The following OR51B5 variants were observed in gnomAD, a reference collection of about 807,000 sequenced individuals.
OR51B5 encodes olfactory receptor 51B5.
For missense variants in OR51B5, 456 were observed against 374.6 expected (o/e 1.22, Z -1.79); for synonymous variants, 186 against 144.8 (o/e 1.28, Z -2.04).
At chr11:5,483,571 G>C (rs1455053796) in intron 1 of OR51B5, among the ~76,000 whole-genome samples, 1 of 147,574 alleles carries the variant, frequency 6.8e-6, no homozygotes, top group Non-Finnish European at 1.5e-5. Context: ...AAAAAGAAGA[G>C]AAAAGGAAGA....
chr11:5,460,397 T>G, intron 1 of OR51B5, among the ~76,000 whole-genome samples: 1 of 152,214 alleles, frequency 6.6e-6, no homozygotes, highest in East Asian at 1.9e-4. Context: ...GTAAAAGTTT[T>G]GAAAAAAGAA....
intron 1 of OR51B5, among the ~76,000 whole-genome samples, chr11:5,434,826 G>A (rs1471940146): frequency 6.6e-6 from 1 of 152,242 alleles, no homozygotes; most frequent in Non-Finnish European, 1.5e-5. Context: ...TGGCTGATCT[G>A]GGACTAGAAT....
chr11:5,497,710 A>C (rs1848763380), intron 1 of OR51B5, among the ~76,000 whole-genome samples: 1 of 152,210 alleles, frequency 6.6e-6, no homozygotes, highest in Admixed American at 6.5e-5. Flanking sequence ...AAAGACAACT[A>C]CAGGTGGCTA....
At chr11:5,429,751 G>A (rs1290647229) in intron 1 of OR51B5, among the ~76,000 whole-genome samples, 7 of 152,144 alleles carry the variant, frequency 4.6e-5, no homozygotes, top group African/African-American at 1.7e-4. Flanking sequence ...GAAAGGAAGG[G>A]AGGAAATAGA....
intron 1 of OR51B5, among the ~76,000 whole-genome samples, chr11:5,359,295 T>A (rs1486260165): frequency 4.4e-4 from 66 of 148,946 alleles, no homozygotes; most frequent in African/African-American, 1.5e-3. Context: ...TTCAGCAAAG[T>A]CTCAGGATAC....
At chr11:5,358,854 A>C (rs956465369) in intron 1 of OR51B5, among the ~76,000 whole-genome samples, 2 of 152,098 alleles carry the variant, frequency 1.3e-5, no homozygotes, top group Non-Finnish European at 2.9e-5. Flanking sequence ...CAAATCAATA[A>C]ATGTAATCCA....
At chr11:5,478,600 T>A (rs1025408187) in intron 1 of OR51B5, among the ~76,000 whole-genome samples, 1 of 149,776 alleles carries the variant, frequency 6.7e-6, no homozygotes, top group African/African-American at 2.5e-5. Context: ...GGCAAAGAAG[T>A]GGAAAACTTT....
rs561672376 is a variant in OR51B5 at position 5,403,027 on chromosome 11, G to A, written n.85-56117C>T. On this transcript the variant is annotated intron_variant and non_coding_transcript_variant, in intron 1 of 4. Transcript: ENST00000415970. Reference sequence around the variant, plus strand: ...CACAGCTATCCTGACACTGCCCAGGGTCTTTGGCACAGGAGCTATTATCGT... The same window carrying A: ...CACAGCTATCCTGACACTGCCCAGGATCTTTGGCACAGGAGCTATTATCGT... The A allele has an allele frequency of 6.8e-5, 32 of 471,578 alleles. 1 individual carries two copies. In the Middle Eastern group the frequency reaches 3.2e-3, roughly 48 times the overall value. The allele number at this position is 471,578 out of a possible 1,614,324, so 29.2% of individuals were successfully genotyped here.
intron 1 of OR51B5, among the ~76,000 whole-genome samples, chr11:5,487,798 G>A (rs939430263): frequency 5.9e-5 from 9 of 152,154 alleles, no homozygotes; most frequent in African/African-American, 1.7e-4. Flanking sequence ...AGGACTATAC[G>A]CTGGCTTTGT....
At chr11:5,343,872 T>C (rs1564912639), upstream of OR51B5, among the ~76,000 whole-genome samples, 2 of 152,250 alleles carry the variant, frequency 1.3e-5, no homozygotes, top group Non-Finnish European at 2.9e-5. Flanking sequence ...TCGTATTCTA[T>C]GGGGCATTCA....
At chr11:5,372,833 A>G (rs1326806940) in intron 1 of OR51B5, among the ~76,000 whole-genome samples, 2 of 152,202 alleles carry the variant, frequency 1.3e-5, no homozygotes, top group African/African-American at 4.8e-5. Context: ...GAAAATTTGT[A>G]TGAAACCACA....
intron 1 of OR51B5, among the ~76,000 whole-genome samples, chr11:5,372,861 C>A (rs1849466393): frequency 1.3e-5 from 2 of 152,010 alleles, no homozygotes; most frequent in Admixed American, 1.3e-4. Flanking sequence ...CCCAAATGGC[C>A]AAAACAATCT....
intron 1 of OR51B5, among the ~76,000 whole-genome samples, chr11:5,386,161 T>G (rs959946616): frequency 1.3e-5 from 2 of 151,982 alleles, no homozygotes; most frequent in Admixed American, 1.3e-4. Flanking sequence ...ACAGGGGTGG[T>G]TTTTGCCAAG....
intron 1 of OR51B5, chr11:5,431,414 T>G: frequency 4.3e-6 from 1 of 234,750 alleles, no homozygotes; most frequent in Non-Finnish European, 8.5e-6. Flanking sequence ...TGGAGAGAAA[T>G]AAGTACATGG....
chr11:5,409,476 A>G (rs1850110214), intron 1 of OR51B5, among the ~76,000 whole-genome samples: 1 of 149,888 alleles, frequency 6.7e-6, no homozygotes, highest in Admixed American at 6.7e-5. Context: ...ATCGGAAAAT[A>G]TTAAAAAATA....
At chr11:5,468,491 A>C (rs943886973) in intron 1 of OR51B5, 7 of 352,986 alleles carry the variant, frequency 2.0e-5, no homozygotes, top group Non-Finnish European at 4.0e-5. Flanking sequence ...CTTGATCAGA[A>C]CTTAGCTCCC....
chr11:5,396,823 C>T (rs922131724), intron 1 of OR51B5, among the ~76,000 whole-genome samples: 1 of 152,076 alleles, frequency 6.6e-6, no homozygotes, highest in Non-Finnish European at 1.5e-5. Context: ...GCTACAGTAA[C>T]CAAAACAGCA....
intron 1 of OR51B5, among the ~76,000 whole-genome samples, chr11:5,483,083 A>G (rs1316600155): frequency 4.0e-5 from 6 of 150,634 alleles, no homozygotes; most frequent in African/African-American, 9.8e-5. Context: ...CATTATGCAC[A>G]ATAGCAAAGA....
chr11:5,360,719 T>C (rs967716842), intron 1 of OR51B5, among the ~76,000 whole-genome samples: 4 of 151,156 alleles, frequency 2.6e-5, no homozygotes, highest in Admixed American at 6.6e-5. Flanking sequence ...CTATTCACAA[T>C]AGCAAAGACT....
Sources: gnomAD v4.1 joint callset for allele counts (sites outside exome capture counted in the v4.1 genomes callset) on GRCh38, gnomAD v4.1.1 for gene constraint, MANE v1.5 for transcripts, NCBI Gene and HGNC (gene_info 2026-07-23, HGNC 2026-07-21) for gene names.